ANK2: variants seen among roughly 807,000 people sequenced by gnomAD.
The protein encoded by ANK2 is ankyrin 2.
In ANK2, 83 loss-of-function variants were observed where a neutral mutation model predicts 360.5. The ratio of observed to expected loss-of-function variants is 0.23; its 90% CI spans 0.19 to 0.28. The LOEUF is 0.28. Among genes scored for constraint, ANK2 ranks in the 10% least tolerant of loss-of-function variants. The pLI is 1.00. For missense variants in ANK2, 4,201 were observed against 4,795.7 expected (o/e 0.88, Z 3.66); for synonymous variants, 1,740 against 1,759.5 (o/e 0.99, Z 0.28).
At chr4:113,252,067 C>T in intron 10 of ANK2, among the ~76,000 whole-genome samples, 1 of 152,094 alleles carries the variant, frequency 6.6e-6, no homozygotes, top group East Asian at 1.9e-4. Flanking sequence ...CACAGTTCCA[C>T]CTGAGGAGGA....
chr4:112,820,047 C>A (rs774949778), intron 1 of ANK2, among the ~76,000 whole-genome samples: 5 of 152,246 alleles, frequency 3.3e-5, no homozygotes, highest in Non-Finnish European at 5.9e-5. Flanking sequence ...TGCAGACACA[C>A]ATTTCCTGCT....
intron 1 of ANK2, among the ~76,000 whole-genome samples, chr4:112,877,018 C>T (rs2075317037): frequency 6.6e-6 from 1 of 152,152 alleles, no homozygotes; most frequent in South Asian, 2.1e-4. Context: ...ATGACTTTCT[C>T]CCCCTTAATT....
At chr4:113,262,119 A>T (rs933399661) in intron 13 of ANK2, among the ~76,000 whole-genome samples, 9 of 152,172 alleles carry the variant, frequency 5.9e-5, no homozygotes, top group Non-Finnish European at 1.3e-4. Context: ...GACCTCTTTG[A>T]CTTTTAACTT....
intron 2 of ANK2, among the ~76,000 whole-genome samples, chr4:113,002,402 G>C (rs1366528534): frequency 6.6e-6 from 1 of 152,222 alleles, no homozygotes; most frequent in African/African-American, 2.4e-5. Flanking sequence ...ATGAGTTCAT[G>C]TCCTTTGTAG....
chr4:112,947,928 A>G (rs544519985), intron 2 of ANK2, among the ~76,000 whole-genome samples: 1 of 152,338 alleles, frequency 6.6e-6, no homozygotes, highest in South Asian at 2.1e-4. Flanking sequence ...TTTGGCAAAT[A>G]GGAGAACCTT....
intron 1 of ANK2, among the ~76,000 whole-genome samples, chr4:113,157,213 C>G (rs1262797730): frequency 6.6e-6 from 1 of 152,010 alleles, no homozygotes; most frequent in Non-Finnish European, 1.5e-5. Context: ...GTGTAATCAA[C>G]ATTTAAACAG....
At chr4:112,950,419 C>A (rs1057123109) in intron 2 of ANK2, among the ~76,000 whole-genome samples, 1 of 151,610 alleles carries the variant, frequency 6.6e-6, no homozygotes, top group African/African-American at 2.4e-5. Flanking sequence ...CTGAGGTGGG[C>A]GGATCATGAG....
intron 2 of ANK2, among the ~76,000 whole-genome samples, chr4:113,192,941 A>C (rs1460739140): frequency 6.6e-6 from 1 of 150,852 alleles, no homozygotes; most frequent in East Asian, 1.9e-4. Context: ...AAAAAAAAAA[A>C]CAACCCTTGA....
At chr4:112,990,559 A>G (rs2046403692) in intron 2 of ANK2, among the ~76,000 whole-genome samples, 1 of 152,044 alleles carries the variant, frequency 6.6e-6, no homozygotes, top group Admixed American at 6.5e-5. Context: ...AGAGACAGAG[A>G]TTGAAATTCA....
intron 2 of ANK2, among the ~76,000 whole-genome samples, chr4:113,022,568 T>C (rs548272860): frequency 1.1e-4 from 16 of 152,320 alleles, no homozygotes; most frequent in Non-Finnish European, 2.4e-4. Flanking sequence ...GTATCGTTCA[T>C]TCATTTACAG....
intron 1 of ANK2, among the ~76,000 whole-genome samples, chr4:112,883,337 C>A (rs1347711760): frequency 2.0e-5 from 3 of 152,022 alleles, no homozygotes; most frequent in Non-Finnish European, 4.4e-5. Flanking sequence ...CCGCACCCGG[C>A]CTGCTTGATC....
intron 35 of ANK2, 46 bp from the exon 36 acceptor site, chr4:113,348,230 T>A (rs375841757): frequency 1.3e-6 from 2 of 1,595,886 alleles, no homozygotes; most frequent in Non-Finnish European, 1.7e-6. Context: ...TCTCTACTCT[T>A]CCTTCTCTCT....
At chr4:113,218,982 G>A (rs908174619) in intron 4 of ANK2, among the ~76,000 whole-genome samples, 6 of 152,110 alleles carry the variant, frequency 3.9e-5, no homozygotes, top group Non-Finnish European at 5.9e-5. Flanking sequence ...ACCCTATAGC[G>A]ATTGTTATTG....
At chr4:113,170,009 A>G (rs1484613434) in intron 1 of ANK2, among the ~76,000 whole-genome samples, 2 of 152,156 alleles carry the variant, frequency 1.3e-5, no homozygotes, top group Non-Finnish European at 2.9e-5. Context: ...TATAAAGAAT[A>G]CCTTTTTTGT....
At chr4:112,725,224 G>A in the ANK2 span, among the ~76,000 whole-genome samples, 1 of 146,586 alleles carries the variant, frequency 6.8e-6, no homozygotes. Context: ...GGAGGTTGCA[G>A]TGAGCCGAGA....
At chr4:113,298,808 G>A (rs1207269162) in intron 22 of ANK2, among the ~76,000 whole-genome samples, 1 of 152,132 alleles carries the variant, frequency 6.6e-6, no homozygotes, top group Non-Finnish European at 1.5e-5. Context: ...CTCTATGTAC[G>A]ATTCAGAGGT....
At chr4:112,945,510 T>G (rs939998774) in intron 2 of ANK2, among the ~76,000 whole-genome samples, 1 of 152,176 alleles carries the variant, frequency 6.6e-6, no homozygotes, top group African/African-American at 2.4e-5. Context: ...CCACAAGCAG[T>G]CATTCTAAGA....
the ANK2 span, among the ~76,000 whole-genome samples, chr4:112,761,824 A>G: frequency 0.02 from 3,086 of 152,022 alleles, 110 homozygotes; most frequent in African/African-American, 0.071. Flanking sequence ...TTTTTTCCTC[A>G]TGTCACTCTA....
chr4:113,283,122 T>G (rs2063035623), intron 18 of ANK2, among the ~76,000 whole-genome samples: 1 of 152,168 alleles, frequency 6.6e-6, no homozygotes, highest in Non-Finnish European at 1.5e-5. Flanking sequence ...GTTTCATTCA[T>G]CTCTACATCC....
Sources: allele counts gnomAD v4.1 joint callset (sites outside exome capture counted in the v4.1 genomes callset), GRCh38; gene constraint gnomAD v4.1.1; transcripts MANE v1.5; gene names NCBI Gene and HGNC (gene_info 2026-07-23, HGNC 2026-07-21).